Variants in CLCN3 observed in about 807,000 individuals in gnomAD.
CLCN3 encodes Cl-/H+ antiporter 3, also known as H(+)/Cl(-) exchange transporter 3.
Under a neutral mutation model 83.4 loss-of-function variants are expected in CLCN3, and 16 were observed. The observed-to-expected ratio is 0.19, with a 90% CI of 0.13 to 0.29. The LOEUF (loss-of-function observed/expected upper bound fraction) is 0.29, where lower values mean the gene tolerates loss of function less well. Ranked by LOEUF, CLCN3 falls within the 10% of genes least tolerant of loss-of-function variation. CLCN3 has a pLI of 1.00. For missense variants in CLCN3, 544 were observed against 1,006.0 expected, an observed-to-expected ratio of 0.54 and a Z score of 6.21; for synonymous variants, 322 against 346.2, an observed-to-expected ratio of 0.93 and a Z score of 0.78.
Position 169,655,939 on chromosome 4 carries a change from G to GT in CLCN3, c.160+19857dup, listed in dbSNP as rs538955794. Among the ~76,000 whole-genome samples the GT allele has an allele frequency of 1.9e-3, 286 of 152,172 alleles. 2 individuals are homozygous for GT. The highest frequency in any genetic ancestry group is 6.6e-3 in the African/African-American group (275 of 41,522). ...GGTATGAATATTATAAAACCATTTT[G>GT]TTTTTTCCATTTATTTTCTGGCTTG... is the stretch of plus-strand genomic sequence containing the variant. On this transcript the variant is annotated intron_variant, in intron 2 of 12. Coordinates refer to ENST00000513761, the MANE Select transcript of CLCN3 (RefSeq NM_001829.4).
chr4:169,686,297 A>G lies in CLCN3; in HGVS notation c.319-1361A>G, dbSNP rs567755962. Among the ~76,000 whole-genome samples, 170 of 151,928 alleles carry G rather than the reference A, an allele frequency of 1.1e-3. 2 individuals carry two copies. Among genetic ancestry groups the G allele is most frequent in the African/African-American group, 3.7e-3 (152 of 41,450 alleles). On this transcript the variant is annotated intron_variant, in intron 3 of 12. Coordinates refer to ENST00000513761, the MANE Select transcript of CLCN3 (RefSeq NM_001829.4). ...TGTAACAAACCTGCACATTGTGCACATGTACCCTAAAACTTAAAGTATAAT... is the reference window on the plus strand; with the variant it reads ...TGTAACAAACCTGCACATTGTGCACGTGTACCCTAAAACTTAAAGTATAAT...
At chr4:169,690,772 A>G (rs1732336665) in intron 6 of CLCN3, 120 bp downstream of exon 6, 4 of 936,898 alleles carry the variant, frequency 4.3e-6, no homozygotes, top group Non-Finnish European at 6.1e-6. Flanking sequence ...AATATGAAAA[A>G]AAAATTTTTT....
intron 2 of CLCN3, among the ~76,000 whole-genome samples, chr4:169,668,101 G>A (rs1352283259): frequency 2.9e-5 from 4 of 136,022 alleles, no homozygotes; most frequent in East Asian, 4.3e-4. Context: ...TTTTGGTTAA[G>A]CGATATTATA....
chr4:169,687,790 G>A lies in CLCN3; in HGVS notation c.418+33G>A, dbSNP rs757861430. On this transcript the variant is annotated intron_variant, in intron 4 of 12. Coordinates refer to ENST00000513761, the MANE Select transcript of CLCN3 (RefSeq NM_001829.4). Reference sequence around the variant, plus strand: ...AAATTTTTCAAGCAATCCTTTTTTAGTTAACAGAAGTATAAACTGTTCTTC... The same window carrying A: ...AAATTTTTCAAGCAATCCTTTTTTAATTAACAGAAGTATAAACTGTTCTTC... 6 of 1,217,372 alleles carry A rather than the reference G, an allele frequency of 4.9e-6. No individual in the cohort carries two copies. In the East Asian group the frequency reaches 1.5e-4, roughly 31 times the overall value. 75.4% of individuals were successfully genotyped at this position (1,217,372 alleles called of 1,614,324 possible). A position where few individuals can be genotyped will look rare whatever the true frequency, so the allele number is the denominator to read the frequency against.
At chr4:169,664,013 C>T (rs1731158092) in intron 2 of CLCN3, among the ~76,000 whole-genome samples, 1 of 152,326 alleles carries the variant, frequency 6.6e-6, no homozygotes, top group East Asian at 1.9e-4. Flanking sequence ...AGACTGTTCT[C>T]ACATACACAG....
chr4:169,623,956 A>C (rs1773168004), intron 1 of CLCN3, among the ~76,000 whole-genome samples: 1 of 152,218 alleles, frequency 6.6e-6, no homozygotes, highest in Admixed American at 6.5e-5. Flanking sequence ...TTAAATGCAG[A>C]AGATGAATCA....
At chr4:169,703,001 G>C (rs1404583982) in intron 9 of CLCN3, among the ~76,000 whole-genome samples, 3 of 152,164 alleles carry the variant, frequency 2.0e-5, no homozygotes, top group Admixed American at 2.0e-4. Flanking sequence ...CAGGGGAACA[G>C]CCAGTTAGTG....
intron 2 of CLCN3, among the ~76,000 whole-genome samples, chr4:169,672,536 T>C (rs1731512959): frequency 6.6e-6 from 1 of 152,224 alleles, no homozygotes; most frequent in Non-Finnish European, 1.5e-5. Flanking sequence ...ACATCCTTTA[T>C]TCATGCGTAA....
chr4:169,668,730 A>ATTTTTT (rs538629875), intron 2 of CLCN3, among the ~76,000 whole-genome samples: 1 of 141,738 alleles, frequency 7.1e-6, no homozygotes. Context: ...AAAGTTTTTG[A>ATTTTTT]TTTTTTTTTT....
In CLCN3 at chr4:169,723,578, C is replaced by T. The variant is rs1047080768; in HGVS notation, c.*3581C>T. The T allele has an allele frequency of 6.6e-6, 1 of 151,656 alleles. No individual in the cohort carries two copies. Among genetic ancestry groups the T allele is most frequent in the African/African-American group, 2.4e-5 (1 of 41,238 alleles). The allele number at this position is 151,656 out of a possible 1,614,324, so 9.4% of individuals were successfully genotyped here. A position where few individuals can be genotyped will look rare whatever the true frequency, so the allele number is the denominator to read the frequency against. ...TTTAAAAAATCACCTTGGACATTTG[C>T]TAATAGAACTGCCAAAAGAGGGTGG... is the stretch of plus-strand genomic sequence containing the variant. On this transcript the variant is annotated 3_prime_UTR_variant, in exon 13 of 13. Coordinates refer to ENST00000513761, the MANE Select transcript of CLCN3 (RefSeq NM_001829.4).
chr4:169,715,329 T>C (rs1450615328), intron 12 of CLCN3, among the ~76,000 whole-genome samples: 2 of 152,150 alleles, frequency 1.3e-5, no homozygotes, highest in East Asian at 3.8e-4. Flanking sequence ...AAAAAGGGGT[T>C]GGACTTTCTT....
intron 11 of CLCN3, among the ~76,000 whole-genome samples, chr4:169,709,919 A>G (rs1456282164): frequency 6.6e-6 from 1 of 151,328 alleles, no homozygotes; most frequent in East Asian, 1.9e-4. Flanking sequence ...GTAACATAGC[A>G]AGACCTTTGT....
At chr4:169,714,191 G>A (rs1360260077) in intron 12 of CLCN3, among the ~76,000 whole-genome samples, 1 of 152,048 alleles carries the variant, frequency 6.6e-6, no homozygotes, top group Non-Finnish European at 1.5e-5. Flanking sequence ...AAAAAACAGA[G>A]GGTATTCTTG....
At chr4:169,667,022 TCA>T (rs1462631429) in intron 2 of CLCN3, among the ~76,000 whole-genome samples, 1 of 152,202 alleles carries the variant, frequency 6.6e-6, no homozygotes, top group Admixed American at 6.5e-5. Context: ...CTGATGTAGT[TCA>T]GTTTATCTAT....
intron 2 of CLCN3, among the ~76,000 whole-genome samples, chr4:169,649,376 G>A (rs952864397): frequency 1.3e-5 from 2 of 152,178 alleles, no homozygotes; most frequent in African/African-American, 4.8e-5. Flanking sequence ...GGAATCATAC[G>A]AACTTTGTAA....
At chr4:169,695,535 C>G (rs1732532032) in intron 7 of CLCN3, 77 bp from the exon 8 acceptor site, 6 of 1,074,192 alleles carry the variant, frequency 5.6e-6, no homozygotes, top group Non-Finnish European at 8.5e-6. Flanking sequence ...TTGGAAAATT[C>G]AAGTAACATG....
At chr4:169,648,090 A>G (rs1303596918) in intron 2 of CLCN3, among the ~76,000 whole-genome samples, 1 of 152,214 alleles carries the variant, frequency 6.6e-6, no homozygotes, top group Non-Finnish European at 1.5e-5. Flanking sequence ...AGACTGAAAA[A>G]CTAAGACCGA....
intron 11 of CLCN3, among the ~76,000 whole-genome samples, chr4:169,711,047 T>G (rs1733192392): frequency 6.6e-6 from 1 of 152,224 alleles, no homozygotes; most frequent in Non-Finnish European, 1.5e-5. Flanking sequence ...GAGTTAGAAA[T>G]GATTTACAAA....
chr4:169,627,484 C>A (rs1336555631), intron 1 of CLCN3, among the ~76,000 whole-genome samples: 1 of 152,146 alleles, frequency 6.6e-6, no homozygotes, highest in African/African-American at 2.4e-5. Context: ...CTGTCACCTT[C>A]ACTGCCTTAG....
Sources: gnomAD v4.1 joint callset for allele counts (sites outside exome capture counted in the v4.1 genomes callset) on GRCh38, gnomAD v4.1.1 for gene constraint, MANE v1.5 for transcripts, NCBI Gene and HGNC (gene_info 2026-07-23, HGNC 2026-07-21) for gene names.